SHTN1: variants seen among roughly 807,000 people sequenced by gnomAD.
SHTN1 encodes shootin 1.
In SHTN1, 42 loss-of-function variants were observed where a neutral mutation model predicts 83.1. The ratio of observed to expected loss-of-function variants is 0.51; its 90% CI spans 0.39 to 0.65. The LOEUF is 0.65. SHTN1 is among the 30% of genes least tolerant of loss of function. SHTN1 has a pLI of 0.00. For synonymous variants in SHTN1, 224 were observed against 247.7 expected (o/e 0.90, Z 0.90); for missense variants, 622 against 737.8 (o/e 0.84, Z 1.82).
rs752708749 is a variant in SHTN1 at position 117,110,518 on chromosome 10, AT to A, written c.-189+15788del. On this transcript the variant is annotated intron_variant, in intron 1 of 17. Coordinates refer to the SHTN1 transcript ENST00000392901. ...AGGTGCACACCGCCATGCCTGGGTAATTTTTTTTTTTTTTTGTATTTTAGTA... is the reference window on the plus strand; with the variant it reads ...AGGTGCACACCGCCATGCCTGGGTAATTTTTTTTTTTTTTGTATTTTAGTA... Among the ~76,000 whole-genome samples, 987 of 140,308 alleles carry A rather than the reference AT, an allele frequency of 7.0e-3. 2 individuals carry two copies. The highest frequency in any genetic ancestry group is 0.014 in the African/African-American group (530 of 38,266). 92.0% of individuals were successfully genotyped at this position (140,308 alleles called of 152,430 possible).
chr10:116,947,994 C>T (rs765085328), intron 7 of SHTN1, among the ~76,000 whole-genome samples: 1 of 152,108 alleles, frequency 6.6e-6, no homozygotes, highest in Non-Finnish European at 1.5e-5. Flanking sequence ...CAGCTACCAC[C>T]AATAACAATA....
At chr10:117,005,250 C>T (rs1212561949), upstream of SHTN1, 22 of 1,469,614 alleles carry the variant, frequency 1.5e-5, no homozygotes, top group African/African-American at 4.2e-5. Context: ...AGATCATCCC[C>T]ACGCACCTAC....
Position 117,039,932 on chromosome 10 carries a change from T to C in SHTN1, c.-123+8513A>G, listed in dbSNP as rs917993552. On this transcript the variant is annotated intron_variant, in intron 2 of 17. Transcript: ENST00000392901. Reference sequence around the variant, plus strand: ...GACGGTGTTTGGGGAATCTCTTACATTCCATTCAATTTTGCTGCAAATCTA... The same window carrying C: ...GACGGTGTTTGGGGAATCTCTTACACTCCATTCAATTTTGCTGCAAATCTA... 2.0e-5 allele frequency among the ~76,000 whole-genome samples: 3 copies of C among 151,910 alleles called. No homozygotes were observed. In the East Asian group the frequency reaches 5.8e-4, roughly 29 times the overall value.
intron 1 of SHTN1, among the ~76,000 whole-genome samples, chr10:117,051,771 T>C (rs998380815): frequency 6.6e-6 from 1 of 151,060 alleles, no homozygotes; most frequent in Non-Finnish European, 1.5e-5. Context: ...CCTCAACAGG[T>C]TAAAGGACAT....
rs767386076 is a variant in SHTN1, at chr10:116,944,910, T to C, written c.711+14A>G. 10 of 1,553,882 alleles carry C rather than the reference T, an allele frequency of 6.4e-6. No individual in the cohort carries two copies. In the South Asian group the frequency reaches 1.1e-4, roughly 17 times the overall value. On this transcript the variant is annotated intron_variant, in intron 8 of 16. Transcript: ENST00000355371. ...GTCTCAAGAAAAAAAATAAGATTTT[T>C]ACAAGATACCCACCTCTTGTGCAAA...
chr10:116,901,565 A>C (rs754282014), intron 16 of SHTN1, 200 bp downstream of exon 16: 1 of 985,416 alleles, frequency 1.0e-6, no homozygotes, highest in Non-Finnish European at 1.2e-6. Flanking sequence ...CTCTTTGTAC[A>C]TGGTACTTGC....
intron 2 of SHTN1, among the ~76,000 whole-genome samples, chr10:117,040,514 G>T (rs1220282815): frequency 1.3e-5 from 2 of 152,232 alleles, no homozygotes; most frequent in East Asian, 1.9e-4. Context: ...AAAATTAAAA[G>T]AATGTGTAAA....
chr10:117,028,969 C>A (rs562846904), intron 2 of SHTN1, among the ~76,000 whole-genome samples: 1 of 152,266 alleles, frequency 6.6e-6, no homozygotes, highest in South Asian at 2.1e-4. Flanking sequence ...AATGGCAGAC[C>A]CACCAGCAGC....
chr10:117,004,209 C>A (rs1851925637), intron 1 of SHTN1, among the ~76,000 whole-genome samples: 1 of 152,182 alleles, frequency 6.6e-6, no homozygotes, highest in South Asian at 2.1e-4. Context: ...TCTTGACCCA[C>A]ATTCGCAGAC....
chr10:116,928,085 T>A (rs1848811909), intron 10 of SHTN1, among the ~76,000 whole-genome samples, 194 bp from the exon 11 acceptor site: 1 of 152,224 alleles, frequency 6.6e-6, no homozygotes, highest in Non-Finnish European at 1.5e-5. Flanking sequence ...AAGAGAGGAC[T>A]CCTATCCATC....
chr10:116,905,696 T>A (rs1263421973), intron 15 of SHTN1, among the ~76,000 whole-genome samples: 7 of 152,198 alleles, frequency 4.6e-5, no homozygotes, highest in African/African-American at 1.7e-4. Context: ...AGATTTAAAC[T>A]GTTACGATAG....
At chr10:117,017,139 C>T (rs1852190951) in intron 2 of SHTN1, among the ~76,000 whole-genome samples, 1 of 152,126 alleles carries the variant, frequency 6.6e-6, no homozygotes, top group Admixed American at 6.5e-5. Context: ...GTCAAAAGGA[C>T]TCAGGAACCA....
At chr10:117,031,051 C>T (rs1470300027) in intron 2 of SHTN1, among the ~76,000 whole-genome samples, 2 of 152,010 alleles carry the variant, frequency 1.3e-5, no homozygotes, top group African/African-American at 4.8e-5. Flanking sequence ...AAGACTACCT[C>T]AAGGCATTTA....
intron 14 of SHTN1, among the ~76,000 whole-genome samples, chr10:116,908,686 GTACATACA>G (rs555226880): frequency 6.6e-6 from 1 of 152,066 alleles, no homozygotes; most frequent in Admixed American, 6.6e-5. Context: ...GTGTGTGTTC[GTACATACA>G]TACATACATA....
At chr10:117,094,114 G>A (rs1173614832) in intron 1 of SHTN1, among the ~76,000 whole-genome samples, 6 of 152,104 alleles carry the variant, frequency 3.9e-5, no homozygotes, top group South Asian at 2.1e-4. Flanking sequence ...GCACAACTCC[G>A]TTGCTCTGCC....
chr10:117,012,064 G>T (rs1202616355), intron 2 of SHTN1, among the ~76,000 whole-genome samples: 1 of 151,326 alleles, frequency 6.6e-6, no homozygotes, highest in Non-Finnish European at 1.5e-5. Context: ...GCGTGAACCC[G>T]GGAGGTGGAG....
Position 117,049,297 on chromosome 10 carries a change from G to A in SHTN1, c.-188-787C>T, listed in dbSNP as rs188838613. ...GCAGACCAGCTGAGGATCACCCTAG[G>A]TTCAAGGTGGCAAACACTTTTGAAA... On this transcript the variant is annotated intron_variant, in intron 1 of 17. Coordinates refer to the SHTN1 transcript ENST00000392901. Among the ~76,000 whole-genome samples, 555 of 152,086 alleles carry A rather than the reference G, an allele frequency of 3.6e-3. 4 individuals carry two copies. Among genetic ancestry groups the A allele is most frequent in the African/African-American group, 0.013 (519 of 41,516 alleles).
upstream of SHTN1, among the ~76,000 whole-genome samples, chr10:117,007,540 G>A (rs184761089): frequency 7.9e-6 from 1 of 126,522 alleles, no homozygotes; most frequent in African/African-American, 3.1e-5. Context: ...GGGTGACAGA[G>A]TGAGACTCCA....
At chr10:116,943,827 C>A (rs17095442) in intron 8 of SHTN1, among the ~76,000 whole-genome samples, 1 of 152,174 alleles carries the variant, frequency 6.6e-6, no homozygotes, top group African/African-American at 2.4e-5. Flanking sequence ...CTTCAACCTA[C>A]AGTATGCACA....
Sources: allele counts gnomAD v4.1 joint callset (sites outside exome capture counted in the v4.1 genomes callset), GRCh38; gene constraint gnomAD v4.1.1; transcripts MANE v1.5; gene names NCBI Gene and HGNC (gene_info 2026-07-23, HGNC 2026-07-21).